ADARB2: variants seen among roughly 807,000 people sequenced by gnomAD.
The protein encoded by ADARB2 is inactive double-stranded RNA-specific editase B2.
ADARB2 carries 25 observed loss-of-function variants against 62.2 expected under a neutral mutation model. The observed-to-expected ratio is 0.40, with a 90% CI of 0.29 to 0.56. ADARB2 has a LOEUF of 0.56. ADARB2 is among the 20% of genes least tolerant of loss of function. ADARB2 has a pLI of 0.43. For missense variants in ADARB2, 1,071 were observed against 1,077.4 expected (o/e 0.99, Z 0.08); for synonymous variants, 572 against 500.8 (o/e 1.14, Z -1.90).
intron 1 of ADARB2, chr10:1,556,871 G>A (rs371697819): frequency 1.1e-5 from 6 of 529,002 alleles, no homozygotes; most frequent in East Asian, 5.5e-5. Context: ...ATGGGGGAAG[G>A]TTTGGTACCT....
intron 1 of ADARB2, among the ~76,000 whole-genome samples, chr10:1,497,808 A>G (rs1831712284): frequency 6.6e-6 from 1 of 151,580 alleles, no homozygotes; most frequent in South Asian, 2.1e-4. Context: ...TAACCACTTT[A>G]AGTATAAATT....
intron 1 of ADARB2, among the ~76,000 whole-genome samples, chr10:1,547,462 G>T (rs1266615583): frequency 1.9e-5 from 2 of 105,290 alleles, no homozygotes; most frequent in African/African-American, 7.6e-5. Flanking sequence ...CACTGTGTTG[G>T]GGGGAGAGGC....
chr10:1,574,118 G>A (rs1351648582), intron 1 of ADARB2, among the ~76,000 whole-genome samples: 1 of 152,184 alleles, frequency 6.6e-6, no homozygotes, highest in Admixed American at 6.5e-5. Flanking sequence ...ATCATGGAAG[G>A]TGGCGTCCTT....
intron 1 of ADARB2, among the ~76,000 whole-genome samples, chr10:1,528,666 C>A (rs963416796): frequency 8.5e-5 from 13 of 152,188 alleles, no homozygotes; most frequent in African/African-American, 3.1e-4. Context: ...GGCACTCTTG[C>A]CCGTTGGGTG....
intron 1 of ADARB2, among the ~76,000 whole-genome samples, chr10:1,607,699 G>C (rs1833512488): frequency 1.3e-5 from 2 of 152,198 alleles, no homozygotes; most frequent in Non-Finnish European, 2.9e-5. Flanking sequence ...GACATGCATA[G>C]AATCATGACT....
intron 3 of ADARB2, among the ~76,000 whole-genome samples, chr10:1,311,485 G>A (rs1831690464): frequency 6.6e-6 from 1 of 151,956 alleles, no homozygotes; most frequent in African/African-American, 2.4e-5. Flanking sequence ...GAAAAAAAAA[G>A]ACACCTGACG....
intron 3 of ADARB2, among the ~76,000 whole-genome samples, chr10:1,293,324 G>A (rs1212561933): frequency 1.6e-5 from 2 of 128,604 alleles, no homozygotes; most frequent in South Asian, 2.7e-4. Flanking sequence ...GAGGGAGGTG[G>A]GGGAAGAGGG....
intron 1 of ADARB2, among the ~76,000 whole-genome samples, chr10:1,562,102 A>T (rs1588303631): frequency 2.6e-5 from 4 of 152,164 alleles, no homozygotes; most frequent in Admixed American, 2.6e-4. Context: ...GGCCCCCGCC[A>T]CGTGTCCTCT....
intron 1 of ADARB2, among the ~76,000 whole-genome samples, chr10:1,600,490 C>T (rs957430769): frequency 4.0e-5 from 6 of 151,854 alleles, no homozygotes; most frequent in East Asian, 1.9e-4. Context: ...GCGAAAGCCC[C>T]GTCTCTACTA....
In ADARB2 at chr10:1,645,410, C is replaced by G. The variant is rs575747898; in HGVS notation, c.100+91641G>C. Among the ~76,000 whole-genome samples, 9 of 152,316 alleles carry G rather than the reference C, an allele frequency of 5.9e-5. No individual in the cohort carries two copies. The East Asian group carries it at 1.7e-3, about 29-fold the overall frequency. On this transcript the variant is annotated intron_variant, in intron 1 of 9. Transcript: ENST00000381312. Reference sequence around the variant, plus strand: ...GGAGCCTGCACAGCTATGGAACTCCCACTGCCCCTGCAGTGCCATTGCCTA... The same window carrying G: ...GGAGCCTGCACAGCTATGGAACTCCGACTGCCCCTGCAGTGCCATTGCCTA...
intron 1 of ADARB2, among the ~76,000 whole-genome samples, chr10:1,648,158 AT>A (rs1324580161): frequency 6.6e-6 from 1 of 152,196 alleles, no homozygotes; most frequent in Non-Finnish European, 1.5e-5. Flanking sequence ...GAAGTGTAAC[AT>A]TTCTCTGGCT....
rs1176807371 is a variant in ADARB2 at position 1,610,801 on chromosome 10, CACACATACAG to C, written c.100+126240_100+126249del. ...AGACACACATGTGCACAGGCACATGCACACATACAGACACATACAGACACAGACATGCACA... is the reference window on the plus strand; with the variant it reads ...AGACACACATGTGCACAGGCACATGCACACATACAGACACAGACATGCACA... On this transcript the variant is annotated intron_variant, in intron 1 of 9. Coordinates refer to ENST00000381312, the MANE Select transcript of ADARB2 (RefSeq NM_018702.4). Among the ~76,000 whole-genome samples the C allele has an allele frequency of 4.7e-4, 69 of 147,102 alleles. 1 individual carries two copies. Among genetic ancestry groups the C allele is most frequent in the East Asian group, 7.8e-4 (4 of 5,138 alleles).
rs140308816 is a variant in ADARB2, at chr10:1,533,363, C to A, written c.101-154203G>T. ...CAGGCTGGTCTCAAACTCCTGACCT[C>A]GTGATCTGCCTGCCTTGGCCTCCCA... On this transcript the variant is annotated intron_variant, in intron 1 of 9. Transcript: ENST00000381312. Among the ~76,000 whole-genome samples, 1,295 of 151,114 alleles carry A rather than the reference C, an allele frequency of 8.6e-3. 15 individuals carry two copies. The highest frequency in any genetic ancestry group is 0.03 in the African/African-American group (1,222 of 41,202).
In ADARB2 at chr10:1,335,084, C is replaced by T. The variant is rs536967006; in HGVS notation, c.1077+27944G>A. On this transcript the variant is annotated intron_variant, in intron 3 of 9. Coordinates refer to ENST00000381312, the MANE Select transcript of ADARB2 (RefSeq NM_018702.4). ...CACCCAGCCAAGTCTTACGTGTGTGCGTTACAATTCAAACTGTGAGGTCTT... is the reference window on the plus strand; with the variant it reads ...CACCCAGCCAAGTCTTACGTGTGTGTGTTACAATTCAAACTGTGAGGTCTT... Among the ~76,000 whole-genome samples the T allele has an allele frequency of 1.3e-3, 191 of 152,210 alleles. 2 individuals carry two copies. Among genetic ancestry groups the T allele is most frequent in the Admixed American group, 4.1e-3 (62 of 15,292 alleles).
chr10:1,659,082 A>G (rs1322139909), intron 1 of ADARB2, among the ~76,000 whole-genome samples: 1 of 152,240 alleles, frequency 6.6e-6, no homozygotes, highest in Non-Finnish European at 1.5e-5. Context: ...TAATTAAAAA[A>G]TTGCTAATTA....
intron 3 of ADARB2, among the ~76,000 whole-genome samples, chr10:1,282,203 C>A (rs968574935): frequency 6.6e-6 from 1 of 152,200 alleles, no homozygotes; most frequent in African/African-American, 2.4e-5. Context: ...CCCTCCCTGT[C>A]CTTTCGAGAC....
intron 1 of ADARB2, among the ~76,000 whole-genome samples, chr10:1,429,338 A>ATCC (rs1830754297): frequency 7.9e-5 from 12 of 152,332 alleles, no homozygotes; most frequent in Non-Finnish European, 1.6e-4. Flanking sequence ...AGCTGATGAA[A>ATCC]TTACATTAAC....
chr10:1,731,089 G>T (rs1048341207), intron 1 of ADARB2, among the ~76,000 whole-genome samples: 11 of 152,254 alleles, frequency 7.2e-5, no homozygotes, highest in East Asian at 1.9e-4. Context: ...TGCTATCTTT[G>T]CAAATGACCA....
chr10:1,632,444 A>G (rs534582015), intron 1 of ADARB2, among the ~76,000 whole-genome samples: 1 of 152,040 alleles, frequency 6.6e-6, no homozygotes, highest in East Asian at 1.9e-4. Flanking sequence ...TTGCACACAC[A>G]TGCACACTAC....
Sources: gnomAD v4.1 joint callset for allele counts (sites outside exome capture counted in the v4.1 genomes callset) on GRCh38, gnomAD v4.1.1 for gene constraint, MANE v1.5 for transcripts, NCBI Gene and HGNC (gene_info 2026-07-23, HGNC 2026-07-21) for gene names.